Variants in DNAH6 observed in about 807,000 individuals in gnomAD.
DNAH6 encodes the protein dynein axonemal heavy chain 6.
Under a neutral mutation model 491.4 loss-of-function variants are expected in DNAH6, and 340 were observed. The observed-to-expected ratio is 0.69, with a 90% CI of 0.63 to 0.76. The LOEUF (loss-of-function observed/expected upper bound fraction) is 0.76. Ranked by LOEUF, DNAH6 falls within the 30% of genes least tolerant of loss-of-function variation. DNAH6 has a pLI of 0.00. For missense variants in DNAH6, 4,443 were observed against 4,972.2 expected (o/e 0.89, Z 3.20); for synonymous variants, 1,603 against 1,686.1 (o/e 0.95, Z 1.21).
At chr2:84,511,946 G>C (rs1321007727), upstream of DNAH6, among the ~76,000 whole-genome samples, 1 of 152,000 alleles carries the variant, frequency 6.6e-6, no homozygotes, top group Non-Finnish European at 1.5e-5. Flanking sequence ...TATTTCATGT[G>C]GTCAGAAAAG....
chr2:84,679,595 T>C (rs564309108), intron 41 of DNAH6, among the ~76,000 whole-genome samples: 20 of 152,366 alleles, frequency 1.3e-4, no homozygotes, highest in African/African-American at 4.8e-4. Context: ...GGCTGCATCT[T>C]GCGTGCATGT....
chr2:84,529,980 T>C (rs73945106), intron 4 of DNAH6, among the ~76,000 whole-genome samples: 1,705 of 152,314 alleles, frequency 0.011, 32 homozygotes, highest in African/African-American at 0.039. Flanking sequence ...ATGACAGATG[T>C]GTTGTAAATC....
intron 66 of DNAH6, 83 bp from the exon 67 acceptor site, chr2:84,785,527 G>C: frequency 1.5e-6 from 2 of 1,310,552 alleles, no homozygotes; most frequent in Non-Finnish European, 1.0e-6. Flanking sequence ...CATTTCAATG[G>C]CTTCAGTCTA....
intron 59 of DNAH6, among the ~76,000 whole-genome samples, chr2:84,720,267 CTTTTTT>C (rs56944137): frequency 2.6e-4 from 13 of 49,524 alleles, no homozygotes; most frequent in African/African-American, 6.7e-4. Flanking sequence ...AAGAGTGCTT[CTTTTTT>C]TTTTTTTTTT....
At chr2:84,490,969 A>G in the DNAH6 span, among the ~76,000 whole-genome samples, 2 of 152,236 alleles carry the variant, frequency 1.3e-5, no homozygotes, top group Admixed American at 6.5e-5. Context: ...GCTGAGTTGT[A>G]TAGTGCATTG....
intron 63 of DNAH6, among the ~76,000 whole-genome samples, chr2:84,748,079 C>A (rs1673134724): frequency 1.3e-5 from 2 of 152,190 alleles, no homozygotes; most frequent in South Asian, 4.1e-4. Flanking sequence ...AAGGGACTAC[C>A]TGGAAGATTT....
chr2:84,706,803 A>T (rs1295664791), intron 52 of DNAH6, 93 bp from the exon 53 acceptor site: 3 of 1,400,158 alleles, frequency 2.1e-6, no homozygotes, highest in Non-Finnish European at 2.8e-6. Flanking sequence ...GAAAAGAGGA[A>T]CATATATAAA....
At position 84,812,482 on chromosome 2, in the gene DNAH6, G is replaced by A. The variant is rs190621406; in HGVS notation, c.11881G>A (p.Gly3961Arg). The A allele has an allele frequency of 1.1e-5, 17 of 1,551,714 alleles. No homozygotes were observed. The highest frequency in any genetic ancestry group is 7.0e-6 in the Non-Finnish European group (8 of 1,147,004). ...AGCCTACCCATCCCTGAAGCCACTA[G>A]GATCATGGGTCAAAGACCTTATCCT... is the stretch of plus-strand genomic sequence containing the variant. ...NTAYPSLKPL[G>R]SWVKDLILRT... Residue 3961 changes from glycine (G) to arginine (R), a missense_variant, in exon 73 of 77, where the codon GGA becomes AGA. Transcript: ENST00000389394.
At chr2:84,699,213 T>G (rs1695655331) in intron 47 of DNAH6, among the ~76,000 whole-genome samples, 1 of 151,858 alleles carries the variant, frequency 6.6e-6, no homozygotes, top group Non-Finnish European at 1.5e-5. Flanking sequence ...AAAACTCCCA[T>G]ACCATGCAAC....
At position 84,813,089 on chromosome 2, in the gene DNAH6, A is replaced by G; in HGVS notation, c.11957A>G (p.Tyr3986Cys). ...CTCAAAAGAGGACAGCCTAAGTCCT[A>G]CTGGATCTCTGGTTTCTTCTTTCCT... The part of the protein sequence containing the change: ...LWLKRGQPKS[Y>C]WISGFFFPQG... Residue 3986 changes from tyrosine (Y) to cysteine (C), a missense_variant, in exon 74 of 77, where the codon TAC becomes TGC. Tyr to Cys is a radical substitution (Grantham distance 194). This residue lies in a region of DNAH6 where 1,463 missense variants were observed against 1,656.6 expected (regional missense o/e 0.88). Transcript: ENST00000389394. 6.4e-7 allele frequency: 1 copy of G among 1,551,882 alleles called. No homozygotes were observed. The highest frequency in any genetic ancestry group is 1.4e-5 in the African/African-American group (1 of 73,170).
At chr2:84,742,092 G>A (rs1286475176) in intron 62 of DNAH6, among the ~76,000 whole-genome samples, 2 of 152,176 alleles carry the variant, frequency 1.3e-5, no homozygotes, top group Non-Finnish European at 2.9e-5. Flanking sequence ...TTTGAACTGT[G>A]AGTATCTGCT....
chr2:84,715,133 C>T (rs764582824), intron 57 of DNAH6, among the ~76,000 whole-genome samples: 3 of 152,052 alleles, frequency 2.0e-5, no homozygotes, highest in Non-Finnish European at 4.4e-5. Flanking sequence ...TTGGTTCTCA[C>T]GGCTACCCTA....
At chr2:84,563,771 T>C (rs1320987789) in intron 11 of DNAH6, among the ~76,000 whole-genome samples, 1 of 152,184 alleles carries the variant, frequency 6.6e-6, no homozygotes, top group Non-Finnish European at 1.5e-5. Flanking sequence ...TTGCCAAGCC[T>C]GTGTCGAAAA....
At position 84,624,890 on chromosome 2, in the gene DNAH6, T is replaced by G; in HGVS notation, c.4354-12T>G. 6.5e-7 allele frequency: 1 copy of G among 1,539,374 alleles called. No homozygotes were observed. Among genetic ancestry groups the G allele is most frequent in the South Asian group, 1.2e-5 (1 of 81,716 alleles). ...GGTTCCCTTCATATTGATAATGCATTGCTTTCTTCAGGATCGCTGCTATCT... is the reference window on the plus strand; with the variant it reads ...GGTTCCCTTCATATTGATAATGCATGGCTTTCTTCAGGATCGCTGCTATCT... On this transcript the variant is annotated splice_polypyrimidine_tract_variant and intron_variant, in intron 28 of 76. Coordinates refer to ENST00000389394, the MANE Select transcript of DNAH6 (RefSeq NM_001370.2).
intron 48 of DNAH6, among the ~76,000 whole-genome samples, chr2:84,700,031 T>C (rs1695744061): frequency 6.6e-6 from 1 of 152,054 alleles, no homozygotes; most frequent in South Asian, 2.1e-4. Context: ...TCTGAGTCAG[T>C]GGTTATAGGC....
intron 63 of DNAH6, among the ~76,000 whole-genome samples, chr2:84,746,305 C>G (rs1196812281): frequency 6.6e-6 from 1 of 151,988 alleles, no homozygotes; most frequent in Non-Finnish European, 1.5e-5. Context: ...AAAAGTGAAG[C>G]TCTGATTGCC....
chr2:84,557,906 A>G lies in DNAH6; in HGVS notation c.1774A>G (p.Asn592Asp). 6.2e-7 allele frequency: 1 copy of G among 1,610,468 alleles called. No individual in the cohort carries two copies. The highest frequency in any genetic ancestry group is 8.5e-7 in the Non-Finnish European group (1 of 1,177,774). ...AGCAGCAGTATTTGAGGATGATAAG[A>G]ATTTTCACACAATTATTTCTCAAAT... ...SLAAVFEDDK[N>D]FHTIISQIKE... The change falls in exon 11 of 77, where the codon AAT becomes GAT. Residue 592 changes from asparagine (N) to aspartate (D), a missense_variant. Coordinates refer to ENST00000389394, the MANE Select transcript of DNAH6 (RefSeq NM_001370.2).
chr2:84,747,824 C>T (rs1222181299), intron 63 of DNAH6, among the ~76,000 whole-genome samples: 1 of 152,172 alleles, frequency 6.6e-6, no homozygotes, highest in African/African-American at 2.4e-5. Flanking sequence ...TGGATGCTGC[C>T]AAGCCTCCTT....
chr2:84,715,517 T>C (rs781583895), intron 57 of DNAH6, 43 bp from the exon 58 acceptor site: 2 of 1,532,240 alleles, frequency 1.3e-6, no homozygotes, highest in South Asian at 2.4e-5. Flanking sequence ...ATTTTATTAG[T>C]TTGCACTTAA....
Sources: gnomAD v4.1 joint callset for allele counts (sites outside exome capture counted in the v4.1 genomes callset) on GRCh38, gnomAD v4.1.1 for gene constraint, gnomAD v4.1.1 regional missense constraint, MANE v1.5 for transcripts, NCBI Gene and HGNC (gene_info 2026-07-23, HGNC 2026-07-21) for gene names.